Variants in CNTNAP4 observed in about 807,000 individuals in gnomAD.
CNTNAP4 encodes contactin associated protein family member 4, also known as contactin-associated protein-like 4.
A neutral mutation model predicts 148.4 loss-of-function variants in CNTNAP4; 98 were observed. The ratio of observed to expected loss-of-function variants is 0.66; its 90% CI spans 0.56 to 0.78. The LOEUF (loss-of-function observed/expected upper bound fraction) is 0.78, where lower values mean the gene tolerates loss of function less well. CNTNAP4 is among the 30% of genes least tolerant of loss of function. The pLI, the probability that CNTNAP4 is intolerant of heterozygous loss-of-function variation, is 0.00. For synonymous variants in CNTNAP4, 730 were observed against 565.1 expected (o/e 1.29, Z -4.14); for missense variants, 1,935 against 1,565.6 (o/e 1.24, Z -3.98).
chr16:76,517,177 C>G (rs34411797), intron 15 of CNTNAP4, among the ~76,000 whole-genome samples: 27,092 of 151,912 alleles, frequency 0.18, 2,560 homozygotes, highest in Non-Finnish European at 0.22. Context: ...AAATGAGGAA[C>G]TAATTAGTTG....
intron 12 of CNTNAP4, among the ~76,000 whole-genome samples, chr16:76,479,771 A>G (rs1355909554): frequency 6.6e-6 from 1 of 152,164 alleles, no homozygotes; most frequent in African/African-American, 2.4e-5. Flanking sequence ...AAATGTTTCC[A>G]ATTATGTCCC....
In CNTNAP4 at chr16:76,427,586, C is replaced by T. The variant is rs746752739; in HGVS notation, c.525C>T (p.Phe175=). 46 of 1,610,326 alleles carry T rather than the reference C, an allele frequency of 2.9e-5. No individual in the cohort carries two copies. The South Asian group carries it at 3.8e-4, about 13-fold the overall frequency. Residue 175 remains phenylalanine, a synonymous_variant, in exon 4 of 24, where the codon TTC becomes TTT. Transcript: ENST00000611870. ...GAATTGGAATGCGAATCGAAGTGTT[C>T]GGATGTGCATACAGTAAGTGTTTGT... is the stretch of plus-strand genomic sequence containing the variant. ...KGRIGMRIEV[F]GCAYRSEVVD... is the part of the protein sequence containing the mutation.
In CNTNAP4 at chr16:76,384,343, A is replaced by C. The variant is rs544551168; in HGVS notation, c.390+28832A>C. Among the ~76,000 whole-genome samples, 350 of 152,092 alleles carry C rather than the reference A, an allele frequency of 2.3e-3. 1 individual carries two copies. The highest frequency in any genetic ancestry group is 7.9e-3 in the African/African-American group (328 of 41,488). On this transcript the variant is annotated intron_variant, in intron 3 of 23. Coordinates refer to ENST00000611870, the MANE Select transcript of CNTNAP4 (RefSeq NM_033401.5). ...AGGCTTGAGCCACCGCGCCCAGCCA[A>C]GTTCCCAGTCTTATACAATACAACT...
chr16:76,338,846 T>C (rs571046237), intron 2 of CNTNAP4, among the ~76,000 whole-genome samples: 1 of 152,294 alleles, frequency 6.6e-6, no homozygotes, highest in East Asian at 1.9e-4. Flanking sequence ...GTAAGATTAT[T>C]GTGAAAATCA....
chr16:76,350,740 C>A (rs376357434), intron 2 of CNTNAP4, among the ~76,000 whole-genome samples: 1 of 152,128 alleles, frequency 6.6e-6, no homozygotes, highest in East Asian at 1.9e-4. Flanking sequence ...ACTTAATATG[C>A]TTTTAAAATT....
intron 3 of CNTNAP4, among the ~76,000 whole-genome samples, chr16:76,417,275 AATT>A (rs2079023310): frequency 6.6e-6 from 1 of 150,958 alleles, no homozygotes; most frequent in African/African-American, 2.4e-5. Context: ...AGTTGTTTTT[AATT>A]TTTTGCCCCA....
chr16:76,429,974 A>AG (rs1264636450), intron 4 of CNTNAP4, among the ~76,000 whole-genome samples: 3 of 152,198 alleles, frequency 2.0e-5, no homozygotes, highest in Non-Finnish European at 2.9e-5. Context: ...TTATTAAAGG[A>AG]GAAAAAGTAA....
intron 15 of CNTNAP4, among the ~76,000 whole-genome samples, chr16:76,512,877 A>C (rs1184145021): frequency 6.6e-6 from 1 of 152,204 alleles, no homozygotes; most frequent in Non-Finnish European, 1.5e-5. Flanking sequence ...ACTGTGTTAA[A>C]TGTTGTTAGC....
intron 21 of CNTNAP4, among the ~76,000 whole-genome samples, chr16:76,552,408 A>G: frequency 6.6e-6 from 1 of 152,190 alleles, no homozygotes; most frequent in East Asian, 1.9e-4. Context: ...ATGACATCTG[A>G]GCCTTCAAAG....
intron 17 of CNTNAP4, among the ~76,000 whole-genome samples, chr16:76,522,577 CCTTT>C (rs998330772): frequency 2.7e-5 from 4 of 146,314 alleles, no homozygotes; most frequent in Admixed American, 2.1e-4. Flanking sequence ...CTGCCGCCCT[CCTTT>C]CTTTCTCTCT....
intron 15 of CNTNAP4, among the ~76,000 whole-genome samples, chr16:76,513,007 A>G (rs2083087962): frequency 6.6e-6 from 1 of 152,158 alleles, no homozygotes; most frequent in Admixed American, 6.5e-5. Context: ...GATTCAAGGA[A>G]TAGTGGGAGG....
chr16:76,530,052 A>G (rs554529586), intron 17 of CNTNAP4, among the ~76,000 whole-genome samples: 2 of 152,122 alleles, frequency 1.3e-5, no homozygotes, highest in Non-Finnish European at 2.9e-5. Flanking sequence ...TTTTTTTAAA[A>G]AAAACTTCAT....
intron 1 of CNTNAP4, among the ~76,000 whole-genome samples, chr16:76,314,652 A>G (rs1244171529): frequency 1.3e-5 from 2 of 152,174 alleles, no homozygotes; most frequent in African/African-American, 2.4e-5. Flanking sequence ...TGTTAAGTAA[A>G]CGTTATCAAT....
At chr16:76,513,703 A>G (rs1396675834) in intron 15 of CNTNAP4, among the ~76,000 whole-genome samples, 1 of 152,196 alleles carries the variant, frequency 6.6e-6, no homozygotes. Context: ...TGTATGCTGT[A>G]AAGACTATAA....
chr16:76,378,722 C>T (rs559481156), intron 3 of CNTNAP4, among the ~76,000 whole-genome samples: 1 of 152,170 alleles, frequency 6.6e-6, no homozygotes, highest in African/African-American at 2.4e-5. Context: ...ACATACTTTC[C>T]TTAAGATTCC....
chr16:76,320,224 G>T (rs954405849), intron 2 of CNTNAP4, among the ~76,000 whole-genome samples: 6 of 152,182 alleles, frequency 3.9e-5, no homozygotes, highest in South Asian at 2.1e-4. Context: ...GTGTTCTAAT[G>T]CTGGGTAAAG....
At chr16:76,449,604 T>G (rs1486199861) in intron 6 of CNTNAP4, 111 bp from the exon 7 acceptor site, 2 of 859,616 alleles carry the variant, frequency 2.3e-6, no homozygotes, top group Non-Finnish European at 3.4e-6. Context: ...TGTGTAGGGT[T>G]ATGAAAAATT....
In CNTNAP4 at chr16:76,361,014, G is replaced by A. The variant is rs1025329051; in HGVS notation, c.390+5503G>A. Reference sequence around the variant, plus strand: ...TTTTTTTTGTATTTTTGGTAGATACGGGGTTTCACCACGTTAGCCAGGATG... The same window carrying A: ...TTTTTTTTGTATTTTTGGTAGATACAGGGTTTCACCACGTTAGCCAGGATG... On this transcript the variant is annotated intron_variant, in intron 3 of 23. Coordinates refer to ENST00000611870, the MANE Select transcript of CNTNAP4 (RefSeq NM_033401.5). Among the ~76,000 whole-genome samples, 65 of 150,908 alleles carry A rather than the reference G, an allele frequency of 4.3e-4. 1 individual carries two copies. Among genetic ancestry groups the A allele is most frequent in the Admixed American group, 2.8e-3 (43 of 15,140 alleles).
intron 3 of CNTNAP4, among the ~76,000 whole-genome samples, chr16:76,356,568 C>T (rs745337166): frequency 3.9e-5 from 6 of 152,192 alleles, no homozygotes; most frequent in Non-Finnish European, 8.8e-5. Context: ...AAAGGAAAGA[C>T]TTCTTTCTTA....
Sources: gnomAD v4.1 joint callset for allele counts (sites outside exome capture counted in the v4.1 genomes callset) on GRCh38, gnomAD v4.1.1 for gene constraint, MANE v1.5 for transcripts, NCBI Gene and HGNC (gene_info 2026-07-23, HGNC 2026-07-21) for gene names.